The following PPP1R1C variants were observed in gnomAD, a reference collection of about 807,000 sequenced individuals.
PPP1R1C encodes protein phosphatase 1 regulatory subunit 1C.
PPP1R1C carries 15 observed loss-of-function variants against 17.4 expected under a neutral mutation model. The observed-to-expected ratio is 0.86, with a 90% CI of 0.58 to 1.33. The LOEUF is 1.33. PPP1R1C is among the 40% of genes most tolerant of loss of function. PPP1R1C has a pLI of 0.00. For missense variants in PPP1R1C, 143 were observed against 130.0 expected, an observed-to-expected ratio of 1.10 and a Z score of -0.48; for synonymous variants, 35 against 43.1, an observed-to-expected ratio of 0.81 and a Z score of 0.73.
chr2:181,964,696 A>ATTTT (rs1684875937), intron 1 of PPP1R1C, among the ~76,000 whole-genome samples: 1 of 140,224 alleles, frequency 7.1e-6, no homozygotes, highest in Non-Finnish European at 1.6e-5. Context: ...ACTGTAGTTT[A>ATTTT]TTTTATTTAT....
At chr2:182,002,481 CAAACCTTT>C (rs1553502119) in intron 2 of PPP1R1C, among the ~76,000 whole-genome samples, 1 of 151,830 alleles carries the variant, frequency 6.6e-6, no homozygotes, top group Non-Finnish European at 1.5e-5. Flanking sequence ...ACAACAAAAA[CAAACCTTT>C]GTTTCCACAG....
At chr2:181,993,026 G>A (rs925591851) in intron 2 of PPP1R1C, among the ~76,000 whole-genome samples, 1 of 152,100 alleles carries the variant, frequency 6.6e-6, no homozygotes, top group African/African-American at 2.4e-5. Context: ...TGAGGCATAC[G>A]TTTCAGGATT....
At chr2:181,958,441 G>A (rs754604773) in intron 1 of PPP1R1C, among the ~76,000 whole-genome samples, 18 of 152,196 alleles carry the variant, frequency 1.2e-4, no homozygotes, top group Non-Finnish European at 2.2e-4. Context: ...AAAAGCTGGG[G>A]ATGGGCATAG....
chr2:181,966,310 C>T (rs1463479201), intron 1 of PPP1R1C, among the ~76,000 whole-genome samples: 1 of 152,086 alleles, frequency 6.6e-6, no homozygotes, highest in Non-Finnish European at 1.5e-5. Flanking sequence ...TTTTTCTTAT[C>T]TGATTTTTCC....
At chr2:182,025,776 G>A (rs1405656272) in intron 2 of PPP1R1C, among the ~76,000 whole-genome samples, 23 of 143,346 alleles carry the variant, frequency 1.6e-4, no homozygotes, top group Non-Finnish European at 2.1e-4. Context: ...TCCCTGAGGA[G>A]TCGCCACACT....
intron 2 of PPP1R1C, among the ~76,000 whole-genome samples, chr2:182,022,664 C>T (rs1312418890): frequency 6.6e-6 from 1 of 151,882 alleles, no homozygotes; most frequent in African/African-American, 2.4e-5. Flanking sequence ...ACAATAAAAC[C>T]CTGAAGAGTA....
At chr2:182,068,767 G>T (rs1688062477) in intron 4 of PPP1R1C, among the ~76,000 whole-genome samples, 1 of 152,160 alleles carries the variant, frequency 6.6e-6, no homozygotes, top group Non-Finnish European at 1.5e-5. Context: ...GAATTTTGGG[G>T]TGCTATAGCA....
At chr2:182,024,443 A>G (rs1419947588) in intron 2 of PPP1R1C, among the ~76,000 whole-genome samples, 1 of 152,198 alleles carries the variant, frequency 6.6e-6, no homozygotes, top group Admixed American at 6.5e-5. Context: ...AAATATTGTT[A>G]AAATAATATT....
chr2:182,027,998 T>A lies in PPP1R1C; in HGVS notation c.143-33444T>A, dbSNP rs1574390584. Among the ~76,000 whole-genome samples, 5 of 128,538 alleles carry A rather than the reference T, an allele frequency of 3.9e-5. No homozygotes were observed. In the South Asian group the frequency reaches 1.5e-3, roughly 38 times the overall value. The allele number at this position is 128,538 out of a possible 152,430, so 84.3% of individuals were successfully genotyped here. ...TTCTAGATTTTCTAGTTTATTTGCG[T>A]AGAGGTGTTTGTAGTATTCTCTGAT... On this transcript the variant is annotated intron_variant, in intron 2 of 4. Transcript: ENST00000682840.
chr2:182,029,256 T>A (rs1255808854), intron 2 of PPP1R1C, among the ~76,000 whole-genome samples: 3 of 151,560 alleles, frequency 2.0e-5, no homozygotes, highest in Non-Finnish European at 4.4e-5. Flanking sequence ...CCTGTCATTA[T>A]GATGTTAGCT....
intron 4 of PPP1R1C, among the ~76,000 whole-genome samples, chr2:182,072,402 C>T (rs150186841): frequency 1.2e-3 from 179 of 152,314 alleles, no homozygotes; most frequent in Middle Eastern, 3.4e-3. Context: ...TAATACCTTA[C>T]AGTTGTGTAG....
chr2:181,960,713 A>G (rs936563237), intron 1 of PPP1R1C, among the ~76,000 whole-genome samples: 1 of 152,194 alleles, frequency 6.6e-6, no homozygotes, highest in Non-Finnish European at 1.5e-5. Flanking sequence ...CTCCACTTAC[A>G]GGCAACTGTG....
intron 5 of PPP1R1C, among the ~76,000 whole-genome samples, chr2:182,127,281 C>T (rs1282345837): frequency 1.3e-5 from 2 of 152,022 alleles, no homozygotes; most frequent in Non-Finnish European, 2.9e-5. Flanking sequence ...AAATGAGTCA[C>T]AGTTCTGGTC....
At chr2:182,014,402 C>A (rs1285844697) in intron 2 of PPP1R1C, among the ~76,000 whole-genome samples, 1 of 152,030 alleles carries the variant, frequency 6.6e-6, no homozygotes, top group East Asian at 1.9e-4. Flanking sequence ...CAAACAGAAT[C>A]TCTCTCTCTC....
At chr2:182,026,019 G>A (rs1419116544) in intron 2 of PPP1R1C, among the ~76,000 whole-genome samples, 1 of 131,246 alleles carries the variant, frequency 7.6e-6, no homozygotes, top group East Asian at 2.2e-4. Context: ...TTTGAGAAGT[G>A]TCTGTTCATG....
downstream of PPP1R1C, chr2:182,130,276 G>A (rs2125244939): frequency 6.6e-6 from 1 of 152,176 alleles, no homozygotes; most frequent in Admixed American, 6.5e-5. Context: ...CTTAGACTTT[G>A]TATTGCCAAA....
intron 2 of PPP1R1C, among the ~76,000 whole-genome samples, chr2:182,032,995 A>G (rs568802316): frequency 3.9e-5 from 6 of 152,188 alleles, no homozygotes; most frequent in Non-Finnish European, 8.8e-5. Flanking sequence ...AGCCTGTTGC[A>G]GTCTGACTTT....
intron 5 of PPP1R1C, among the ~76,000 whole-genome samples, chr2:182,128,372 C>T (rs547427589): frequency 2.6e-5 from 4 of 152,082 alleles, no homozygotes; most frequent in South Asian, 2.1e-4. Context: ...GTTTTCTGCT[C>T]GGTAAAACGT....
At chr2:182,126,221 T>C (rs1298597772) in intron 5 of PPP1R1C, among the ~76,000 whole-genome samples, 1 of 152,066 alleles carries the variant, frequency 6.6e-6, no homozygotes, top group Non-Finnish European at 1.5e-5. Flanking sequence ...AACAGTTTAA[T>C]TGCAAAATGA....
Sources: allele counts gnomAD v4.1 joint callset (sites outside exome capture counted in the v4.1 genomes callset), GRCh38; gene constraint gnomAD v4.1.1; transcripts MANE v1.5; gene names NCBI Gene and HGNC (gene_info 2026-07-23, HGNC 2026-07-21).